The following LRRC53 variants were observed in gnomAD, a reference collection of about 807,000 sequenced individuals.
LRRC53 encodes the protein leucine-rich repeat-containing protein 53.
In LRRC53, 25 loss-of-function variants were observed where a neutral mutation model predicts 13.6. The observed-to-expected ratio is 1.83, with a 90% confidence interval of 1.34 to 2.56. The LOEUF (loss-of-function observed/expected upper bound fraction) is 2.56, where lower values mean the gene tolerates loss of function less well. Ranked by LOEUF, LRRC53 falls within the 30% of genes most tolerant of loss-of-function variation. LRRC53 has a pLI of 0.00. For missense variants in LRRC53, 527 were observed against 275.8 expected (o/e 1.91, Z -6.45); for synonymous variants, 204 against 109.8 (o/e 1.86, Z -5.37).
rs559746238 is a variant in LRRC53, at chr1:74,481,090, C to T, written c.89-122G>A. The T allele has an allele frequency of 2.3e-4, 131 of 578,882 alleles. 1 individual carries two copies. In the African/African-American group the frequency reaches 2.3e-3, roughly 10 times the overall value. The allele number at this position is 578,882 out of a possible 1,614,324, so 35.9% of individuals were successfully genotyped here. A position where few individuals can be genotyped will look rare whatever the true frequency, so the allele number is the denominator to read the frequency against. ...TTATCACCTGGGTAAAAACAATAAA[C>T]AATACAAAAAATGAAAATGATTTTC... On this transcript the variant is annotated intron_variant, in intron 2 of 4. Coordinates refer to ENST00000294635, the MANE Select transcript of LRRC53 (RefSeq NM_001382280.1).
rs596204 is a variant in LRRC53, at chr1:74,470,690, A to G, written c.2932T>C (p.Ser978Pro). 0.65 allele frequency: 261,291 copies of G among 400,350 alleles called. 88,085 individuals carry two copies. The highest frequency in any genetic ancestry group is 0.89 in the African/African-American group (43,429 of 48,750). The allele number at this position is 400,350 out of a possible 1,614,324, so 24.8% of individuals were successfully genotyped here. The change falls in exon 5 of 5, where the codon TCA becomes CCA. Residue 978 changes from serine (S) to proline (P), a missense_variant. Physicochemically the swap from Ser to Pro is moderately conservative, Grantham distance 74. Transcript: ENST00000294635. Reference sequence around the variant, plus strand: ...ATACAATTTTCCACAATTTGATGTGATATTTGGGGTTTTGTCATTAATGTT... The same window carrying G: ...ATACAATTTTCCACAATTTGATGTGGTATTTGGGGTTTTGTCATTAATGTT... ...EKTLMTKPQI[S>P]HQIVENCIMD...
chr1:74,491,379 C>A (rs1221519075), intron 1 of LRRC53, among the ~76,000 whole-genome samples: 1 of 152,166 alleles, frequency 6.6e-6, no homozygotes, highest in African/African-American at 2.4e-5. Flanking sequence ...GCCACCACTC[C>A]CAGCTAATTT....
At chr1:74,499,631 A>T (rs1054061440) in intron 1 of LRRC53, among the ~76,000 whole-genome samples, 7 of 152,278 alleles carry the variant, frequency 4.6e-5, no homozygotes, top group Middle Eastern at 3.4e-3. Flanking sequence ...TATCCCTGGT[A>T]GATAAGAGGG....
At chr1:74,492,178 C>T in intron 1 of LRRC53, 1 of 1,613,190 alleles carries the variant, frequency 6.2e-7, no homozygotes. Context: ...CCGGGGAGGA[C>T]CTGGCCGGAG....
At chr1:74,519,776 T>G in the LRRC53 span, among the ~76,000 whole-genome samples, 2 of 152,264 alleles carry the variant, frequency 1.3e-5, no homozygotes, top group Admixed American at 1.3e-4. Flanking sequence ...GAAGATATGT[T>G]ATAGTCAAGC....
chr1:74,478,502 G>A (rs112403436), intron 3 of LRRC53, among the ~76,000 whole-genome samples: 40 of 152,096 alleles, frequency 2.6e-4, no homozygotes, highest in African/African-American at 9.4e-4. Context: ...ACTAAAAATT[G>A]CTCTATTATA....
intron 1 of LRRC53, among the ~76,000 whole-genome samples, chr1:74,489,980 T>C (rs1417624706): frequency 1.6e-5 from 2 of 126,728 alleles, no homozygotes; most frequent in Non-Finnish European, 3.1e-5. Flanking sequence ...TAGAGAGAAA[T>C]AGCATCAACC....
At chr1:74,472,496 G>A (rs1346515749) in intron 4 of LRRC53, among the ~76,000 whole-genome samples, 1 of 152,092 alleles carries the variant, frequency 6.6e-6, no homozygotes, top group Non-Finnish European at 1.5e-5. Flanking sequence ...GGTTAGGTTA[G>A]CTTTAAATAT....
the LRRC53 span, among the ~76,000 whole-genome samples, chr1:74,523,187 A>AC: frequency 1.3e-5 from 2 of 152,222 alleles, no homozygotes; most frequent in South Asian, 4.1e-4. Flanking sequence ...TAATACCGAT[A>AC]CCACACAGTT....
chr1:74,495,335 G>A (rs1389290614), intron 1 of LRRC53, among the ~76,000 whole-genome samples: 1 of 152,148 alleles, frequency 6.6e-6, no homozygotes, highest in East Asian at 1.9e-4. Flanking sequence ...TTTAAAATGT[G>A]TCAAAATAGA....
At chr1:74,527,269 A>G in the LRRC53 span, among the ~76,000 whole-genome samples, 8 of 152,236 alleles carry the variant, frequency 5.3e-5, no homozygotes, top group Non-Finnish European at 8.8e-5. Flanking sequence ...ACCAATGACC[A>G]CAAACTTTGT....
At chr1:74,499,498 C>G (rs1669499948) in intron 1 of LRRC53, among the ~76,000 whole-genome samples, 1 of 152,038 alleles carries the variant, frequency 6.6e-6, no homozygotes, top group South Asian at 2.1e-4. Flanking sequence ...TTGTCAATCT[C>G]TCATTGTGCC....
intron 3 of LRRC53, among the ~76,000 whole-genome samples, chr1:74,479,377 A>T (rs917267951): frequency 3.9e-5 from 6 of 152,250 alleles, no homozygotes; most frequent in Non-Finnish European, 8.8e-5. Context: ...AATTACAAAA[A>T]ATATATAAAG....
chr1:74,523,070 G>A, the LRRC53 span, among the ~76,000 whole-genome samples: 1 of 152,220 alleles, frequency 6.6e-6, no homozygotes. Flanking sequence ...GTGAGCTTCA[G>A]TATAGGTTCT....
In LRRC53 at chr1:74,470,788, G is replaced by A. The variant is rs1026772059; in HGVS notation, c.2834C>T (p.Thr945Ile). 3.0e-5 allele frequency: 12 copies of A among 400,500 alleles called. No individual in the cohort carries two copies. The highest frequency in any genetic ancestry group is 2.3e-4 in the African/African-American group (11 of 48,666). 24.8% of individuals were successfully genotyped at this position (400,500 alleles called of 1,614,324 possible). A position where few individuals can be genotyped will look rare whatever the true frequency, so the allele number is the denominator to read the frequency against. ...HKTDSYNKEY[T>I]LDQNEALQHR... is the part of the protein sequence containing the mutation. ...TTGTAAGGCTTCATTTTGGTCTAAA[G>A]TGTATTCCTTGTTGTAGCTGTCAGT... The change falls in exon 5 of 5, where the codon ACT becomes ATT. Residue 945 changes from threonine (T) to isoleucine (I), a missense_variant. By Grantham distance (89) the Thr-to-Ile change is moderately conservative. Coordinates refer to ENST00000294635, the MANE Select transcript of LRRC53 (RefSeq NM_001382280.1).
the LRRC53 span, among the ~76,000 whole-genome samples, chr1:74,525,775 C>T: frequency 6.6e-6 from 1 of 152,086 alleles, no homozygotes; most frequent in African/African-American, 2.4e-5. Context: ...AATACAGAAG[C>T]CGGGAGCAGC....
chr1:74,476,335 T>C (rs1668204413), intron 3 of LRRC53, among the ~76,000 whole-genome samples: 1 of 152,132 alleles, frequency 6.6e-6, no homozygotes, highest in Non-Finnish European at 1.5e-5. Flanking sequence ...CTCAACCACC[T>C]AAATGTTCAA....
chr1:74,518,019 T>C, the LRRC53 span, among the ~76,000 whole-genome samples: 1 of 152,158 alleles, frequency 6.6e-6, no homozygotes, highest in Non-Finnish European at 1.5e-5. Flanking sequence ...TTCAAAGTTT[T>C]TGAGCAAGCG....
rs1404484735 is a variant in LRRC53, at chr1:74,480,542, A to G, written c.515T>C (p.Ile172Thr). Reference sequence around the variant, plus strand: ...CAGGGGCCGGAAGGCATCTTTCCCAATGTAGGAAATAAAATTGTTGGATAA... The same window carrying G: ...CAGGGGCCGGAAGGCATCTTTCCCAGTGTAGGAAATAAAATTGTTGGATAA... The part of the protein sequence containing the change: ...LDLSNNFISY[I>T]GKDAFRPLPQ... Residue 172 changes from isoleucine to threonine, a missense_variant, in exon 3 of 5, where the codon ATT becomes ACT. By Grantham distance (89) the Ile-to-Thr change is moderately conservative. Transcript: ENST00000294635. 1 of 717,416 alleles carries G rather than the reference A, an allele frequency of 1.4e-6. No individual in the cohort carries two copies. Among genetic ancestry groups the G allele is most frequent in the Non-Finnish European group, 2.6e-6 (1 of 385,086 alleles). 44.4% of individuals were successfully genotyped at this position (717,416 alleles called of 1,614,324 possible).
Sources: gnomAD v4.1 joint callset for allele counts (sites outside exome capture counted in the v4.1 genomes callset) on GRCh38, gnomAD v4.1.1 for gene constraint, MANE v1.5 for transcripts, NCBI Gene and HGNC (gene_info 2026-07-23, HGNC 2026-07-21) for gene names.